Variants in MKS1 observed in about 807,000 individuals in gnomAD.
MKS1 encodes tectonic-like complex member MKS1.
A neutral mutation model predicts 83.7 loss-of-function variants in MKS1; 70 were observed. The observed-to-expected ratio is 0.84, with a 90% CI of 0.69 to 1.02. The LOEUF is 1.02. Ranked by LOEUF, MKS1 falls within the 50% of genes least tolerant of loss-of-function variation. MKS1 has a pLI of 0.00. For synonymous variants in MKS1, 251 were observed against 273.4 expected (o/e 0.92, Z 0.81); for missense variants, 681 against 726.9 (o/e 0.94, Z 0.73).
chr17:58,218,869 G>T, intron 1 of MKS1, 140 bp from the exon 2 acceptor site: 2 of 874,416 alleles, frequency 2.3e-6, no homozygotes, highest in Non-Finnish European at 3.7e-6. Context: ...AGGTGGGTGG[G>T]TGCGCCGTCC....
At position 58,216,087 on chromosome 17, in the gene MKS1, C is replaced by A. The variant is rs756368560; in HGVS notation, c.417+1G>T. 6.2e-7 allele frequency: 1 copy of A among 1,614,158 alleles called. No individual in the cohort carries two copies. Among genetic ancestry groups the A allele is most frequent in the African/African-American group, 1.3e-5 (1 of 75,046 alleles). On this transcript the variant is annotated splice_donor_variant, in intron 4 of 17. Coordinates refer to ENST00000393119, the MANE Select transcript of MKS1 (RefSeq NM_017777.4). LOFTEE classifies it high-confidence loss of function. ...CTATGAGACCCTAGAAAGAACAATA[C>A]CTCCTCCAAATTGGTGTATCTATCA...
chr17:58,218,916 G>T, intron 1 of MKS1, 187 bp from the exon 2 acceptor site: 1 of 822,518 alleles, frequency 1.2e-6, no homozygotes, highest in Non-Finnish European at 2.0e-6. Flanking sequence ...TGTACTGGGG[G>T]CACAGGGCTT....
intron 2 of MKS1, among the ~76,000 whole-genome samples, chr17:58,217,005 G>C (rs1969258635): frequency 1.3e-5 from 2 of 151,996 alleles, no homozygotes; most frequent in Admixed American, 6.5e-5. Flanking sequence ...TTTTTTTCTG[G>C]GGGGGATGGA....
chr17:58,219,018 G>T, intron 1 of MKS1, 133 bp downstream of exon 1: 1 of 1,316,018 alleles, frequency 7.6e-7, no homozygotes, highest in Non-Finnish European at 1.0e-6. Context: ...TACGGATAGT[G>T]AAAGAAGTGG....
chr17:58,205,441 T>A lies in MKS1; in HGVS notation c.*638A>T. 8.3e-7 allele frequency: 1 copy of A among 1,202,356 alleles called. No individual in the cohort carries two copies. The highest frequency in any genetic ancestry group is 1.6e-5 in the South Asian group (1 of 64,258). 74.5% of individuals were successfully genotyped at this position (1,202,356 alleles called of 1,614,324 possible). A position where few individuals can be genotyped will look rare whatever the true frequency, so the allele number is the denominator to read the frequency against. On this transcript the variant is annotated 3_prime_UTR_variant, in exon 18 of 18. Coordinates refer to ENST00000393119, the MANE Select transcript of MKS1 (RefSeq NM_017777.4). Reference sequence around the variant, plus strand: ...AGACAAACAGCCAACAGAACATCAGTCAAAATAAAAGGGGTTTATGTAACA... The same window carrying A: ...AGACAAACAGCCAACAGAACATCAGACAAAATAAAAGGGGTTTATGTAACA...
rs1190269594 is a variant in MKS1 at position 58,205,488 on chromosome 17, CA to C, written c.*590del. ...AACAAAAAACAAAAAAACAAACAAA[CA>C]AAAAAACACAGTAAAAGATACCACC... On this transcript the variant is annotated 3_prime_UTR_variant, in exon 18 of 18. Transcript: ENST00000393119. The C allele has an allele frequency of 1.3e-5, 16 of 1,255,718 alleles. No homozygotes were observed. Among genetic ancestry groups the C allele is most frequent in the Non-Finnish European group, 1.6e-5 (16 of 970,846 alleles). 77.8% of individuals were successfully genotyped at this position (1,255,718 alleles called of 1,614,324 possible).
At chr17:58,207,518 T>C (rs1329058250) in intron 14 of MKS1, 1 of 549,380 alleles carries the variant, frequency 1.8e-6, no homozygotes, top group African/African-American at 1.9e-5. Flanking sequence ...CCTCACAGAG[T>C]GACTGGGAGA....
At chr17:58,213,641 T>C in intron 7 of MKS1, 124 bp downstream of exon 7, 1 of 788,278 alleles carries the variant, frequency 1.3e-6, no homozygotes, top group Non-Finnish European at 2.2e-6. Flanking sequence ...ATACGAACCA[T>C]TGCCTGGGAA....
Position 58,216,714 on chromosome 17 carries a change from G to A in MKS1, c.213C>T (p.Asp71=), listed in dbSNP as rs142813109. ...PTASGHRPEE[D]EEEEIVIGWQ... is the part of the protein sequence containing the mutation. ...ACCCAATCACAATCTCCTCCTCTTCGTCTTCCTCTGGGCGGTGTCCACCTC... is the reference window on the plus strand; with the variant it reads ...ACCCAATCACAATCTCCTCCTCTTCATCTTCCTCTGGGCGGTGTCCACCTC... The change falls in exon 3 of 18, where the codon GAC becomes GAT. Residue 71 remains aspartate, a synonymous_variant. Transcript: ENST00000393119. The A allele has an allele frequency of 8.7e-6, 14 of 1,614,036 alleles. No homozygotes were observed. The highest frequency in any genetic ancestry group is 6.6e-5 in the South Asian group (6 of 91,074).
chr17:58,205,476 AAAAC>A lies in MKS1; in HGVS notation c.*599_*602del, dbSNP rs1567792574. 8 of 1,252,910 alleles carry A rather than the reference AAAAC, an allele frequency of 6.4e-6. No homozygotes were observed. The highest frequency in any genetic ancestry group is 3.3e-5 in the Admixed American group (1 of 30,704). 77.6% of individuals were successfully genotyped at this position (1,252,910 alleles called of 1,614,324 possible). ...AGGGGTTTATGTAACAAAAAACAAA[AAAAC>A]AAACAAACAAAAAAACACAGTAAAA... On this transcript the variant is annotated 3_prime_UTR_variant, in exon 18 of 18. Transcript: ENST00000393119.
chr17:58,205,674 C>T lies in MKS1; in HGVS notation c.*405G>A. 7.6e-7 allele frequency: 1 copy of T among 1,311,958 alleles called. No individual in the cohort carries two copies. Among genetic ancestry groups the T allele is most frequent in the Non-Finnish European group, 1.0e-6 (1 of 994,282 alleles). The allele number at this position is 1,311,958 out of a possible 1,614,324, so 81.3% of individuals were successfully genotyped here. A position where few individuals can be genotyped will look rare whatever the true frequency, so the allele number is the denominator to read the frequency against. ...TTAAGACCCTCTCACCGTCCACCTT[C>T]CTTCCTTCTTTGGTCTTGGAAGATG... On this transcript the variant is annotated 3_prime_UTR_variant, in exon 18 of 18. Transcript: ENST00000393119.
intron 15 of MKS1, 128 bp downstream of exon 15, chr17:58,206,957 G>T: frequency 7.4e-7 from 1 of 1,357,022 alleles, no homozygotes. Context: ...TCCAGCTTAA[G>T]CCACAGGAAG....
intron 7 of MKS1, 106 bp downstream of exon 7, chr17:58,213,659 G>T: frequency 1.1e-6 from 1 of 873,402 alleles, no homozygotes; most frequent in Non-Finnish European, 1.9e-6. Context: ...GAATGTAAAA[G>T]TTAGAACAGA....
chr17:58,213,691 A>T, intron 7 of MKS1, 74 bp downstream of exon 7: 1 of 1,093,626 alleles, frequency 9.1e-7, no homozygotes, highest in Non-Finnish European at 1.4e-6. Flanking sequence ...CTGACAGTCT[A>T]GTTGACTAGG....
At chr17:58,212,343 C>T in intron 9 of MKS1, 35 bp downstream of exon 9, 5 of 1,612,182 alleles carry the variant, frequency 3.1e-6, no homozygotes, top group Non-Finnish European at 4.2e-6. Flanking sequence ...CGGCTAAACA[C>T]AGCTCACAGT....
intron 12 of MKS1, 110 bp from the exon 13 acceptor site, chr17:58,208,284 G>C (rs1324747146): frequency 1.8e-6 from 2 of 1,088,654 alleles, no homozygotes; most frequent in East Asian, 2.5e-5. Flanking sequence ...TATCACCCAG[G>C]TGGGAAATAG....
chr17:58,206,124 G>T lies in MKS1; in HGVS notation c.1635C>A (p.Ser545Arg), dbSNP rs545364645. Residue 545 changes from serine (S) to arginine (R), a missense_variant, in exon 18 of 18, where the codon AGC (serine) becomes AGA (arginine). By Grantham distance (110) the Ser-to-Arg change is moderately radical (BLOSUM62 -1). Coordinates refer to ENST00000393119, the MANE Select transcript of MKS1 (RefSeq NM_017777.4). ...ARRRMQEARE[S>R]LPQDLVSPSG... is the part of the protein sequence containing the mutation. ...AGGGGCTCACTAGGTCCTGCGGGAG[G>T]CTTTCCCGGGCCTCCTGCATGCGGC... 8 of 1,613,596 alleles carry T rather than the reference G, an allele frequency of 5.0e-6. 1 individual carries two copies. In the South Asian group the frequency reaches 7.7e-5, roughly 16 times the overall value.
Position 58,219,150 on chromosome 17 carries a change from C to A in MKS1, c.80+1G>T. On this transcript the variant is annotated splice_donor_variant, in intron 1 of 17. Coordinates refer to ENST00000393119, the MANE Select transcript of MKS1 (RefSeq NM_017777.4). LOFTEE classifies it high-confidence loss of function. ...CCTCGGGGCTGGGGCGGTGCGACTACCGGAGGCGCAAGTTGCGCACGGGGT... is the reference window on the plus strand; with the variant it reads ...CCTCGGGGCTGGGGCGGTGCGACTAACGGAGGCGCAAGTTGCGCACGGGGT... The A allele has an allele frequency of 6.4e-7, 1 of 1,551,190 alleles. No individual in the cohort carries two copies. The highest frequency in any genetic ancestry group is 8.7e-7 in the Non-Finnish European group (1 of 1,146,982).
chr17:58,215,837 G>T, intron 4 of MKS1: 2 of 496,962 alleles, frequency 4.0e-6, no homozygotes, highest in South Asian at 4.0e-5. Context: ...CACTCTGCAA[G>T]CATATAATCA....
Sources: gnomAD v4.1 joint callset for allele counts (sites outside exome capture counted in the v4.1 genomes callset) on GRCh38, gnomAD v4.1.1 for gene constraint, MANE v1.5 for transcripts, NCBI Gene and HGNC (gene_info 2026-07-23, HGNC 2026-07-21) for gene names.